Variants in CNTNAP3 observed in about 807,000 individuals in gnomAD.
CNTNAP3 encodes contactin-associated protein-like 3.
CNTNAP3 carries 36 observed loss-of-function variants against 92.1 expected under a neutral mutation model. The observed-to-expected ratio is 0.39, with a 90% CI of 0.30 to 0.52. The LOEUF (loss-of-function observed/expected upper bound fraction) is 0.52, where lower values mean the gene tolerates loss of function less well. Ranked by LOEUF, CNTNAP3 falls within the 20% of genes least tolerant of loss-of-function variation. The pLI is 0.76. For missense variants in CNTNAP3, 534 were observed against 1,069.6 expected (o/e 0.50, Z 6.98); for synonymous variants, 232 against 422.3 (o/e 0.55, Z 5.53).
rs1465730596 is a variant in CNTNAP3 at position 39,069,061 on chromosome 9, C to T, written c.*4829G>A. On this transcript the variant is annotated 3_prime_UTR_variant, in exon 24 of 24. Coordinates refer to ENST00000297668, the MANE Select transcript of CNTNAP3 (RefSeq NM_033655.5). Reference sequence around the variant, plus strand: ...GTATATAACACACATGAATCATATCCTAAAGATTTGGAACAAGAAGTAAAT... The same window carrying T: ...GTATATAACACACATGAATCATATCTTAAAGATTTGGAACAAGAAGTAAAT... Among the ~76,000 whole-genome samples, 3 of 152,350 alleles carry T rather than the reference C, an allele frequency of 2.0e-5. No individual in the cohort carries two copies. The East Asian group carries it at 5.8e-4, about 29-fold the overall frequency.
At chr9:39,133,734 T>C (rs941643500) in intron 12 of CNTNAP3, among the ~76,000 whole-genome samples, 9 of 151,886 alleles carry the variant, frequency 5.9e-5, no homozygotes, top group Non-Finnish European at 8.8e-5. Flanking sequence ...TCATTTCTGA[T>C]GTATCTCTGT....
chr9:39,074,294 G>T (rs1825698256), intron 23 of CNTNAP3, among the ~76,000 whole-genome samples: 1 of 151,766 alleles, frequency 6.6e-6, no homozygotes. Context: ...CTCCCAAATT[G>T]TTGGGATTAC....
At chr9:39,079,167 G>C (rs551634381) in intron 21 of CNTNAP3, among the ~76,000 whole-genome samples, 37 of 152,260 alleles carry the variant, frequency 2.4e-4, no homozygotes, top group Non-Finnish European at 3.5e-4. Context: ...CTGGCTCTCT[G>C]CAAGTAACAG....
chr9:39,132,356 T>C (rs981538958), intron 13 of CNTNAP3, among the ~76,000 whole-genome samples: 11 of 152,090 alleles, frequency 7.2e-5, no homozygotes, highest in Admixed American at 7.2e-4. Context: ...AAAACATTAC[T>C]TCCATATATG....
At chr9:39,096,929 G>A (rs4062915) in intron 18 of CNTNAP3, among the ~76,000 whole-genome samples, 29,324 of 142,652 alleles carry the variant, frequency 0.21, 3,296 homozygotes, top group East Asian at 0.34. Flanking sequence ...TAATTTGGGG[G>A]TGTTTTCAAC....
chr9:39,217,358 G>GTGTATA (rs1554653649), intron 3 of CNTNAP3, among the ~76,000 whole-genome samples: 1 of 4,242 alleles, frequency 2.4e-4, no homozygotes, highest in Non-Finnish European at 1.1e-3. Context: ...ATTTACATGA[G>GTGTATA]TATATATATA....
intron 18 of CNTNAP3, among the ~76,000 whole-genome samples, chr9:39,094,625 A>C (rs1181044514): frequency 2.0e-5 from 3 of 151,586 alleles, no homozygotes; most frequent in Non-Finnish European, 3.0e-5. Flanking sequence ...AATGATCTTG[A>C]CAAAGACTAT....
Position 39,105,079 on chromosome 9 carries a change from C to T in CNTNAP3, c.2366-1165G>A, listed in dbSNP as rs1181964899. ...TATTCTGATGGCTGCCAGTGGTGAT[C>T]TTCTAAGCTCTGTCATTCCTTCCAC... On this transcript the variant is annotated intron_variant, in intron 15 of 23. Transcript: ENST00000297668. 4.6e-5 allele frequency among the ~76,000 whole-genome samples: 7 copies of T among 152,262 alleles called. No individual in the cohort carries two copies. In the East Asian group the frequency reaches 5.8e-4, roughly 13 times the overall value.
chr9:39,181,455 C>A (rs1822445452), intron 4 of CNTNAP3, among the ~76,000 whole-genome samples: 2 of 110,934 alleles, frequency 1.8e-5, no homozygotes, highest in Non-Finnish European at 1.6e-5. Flanking sequence ...GCCTTGCTAT[C>A]CAAAATGAAT....
chr9:39,154,306 T>TG, intron 9 of CNTNAP3: 1 of 432,410 alleles, frequency 2.3e-6, no homozygotes, highest in Non-Finnish European at 4.5e-6. Flanking sequence ...GCAGCTGGGC[T>TG]GAAGGATCCT....
rs1825660954 is a variant in CNTNAP3 at position 39,072,959 on chromosome 9, T to C, written c.*931A>G. 6.5e-6 allele frequency: 1 copy of C among 152,740 alleles called. No homozygotes were observed. Among genetic ancestry groups the C allele is most frequent in the Non-Finnish European group, 1.5e-5 (1 of 68,058 alleles). 9.5% of individuals were successfully genotyped at this position (152,740 alleles called of 1,614,324 possible). A position where few individuals can be genotyped will look rare whatever the true frequency, so the allele number is the denominator to read the frequency against. ...TTCATTCACGTCTTAATGATATAAA[T>C]AAAGGATAACTCTGTGTAAGAAGTA... On this transcript the variant is annotated 3_prime_UTR_variant, in exon 24 of 24. Transcript: ENST00000297668.
At chr9:39,150,218 G>A (rs1435602625) in intron 9 of CNTNAP3, among the ~76,000 whole-genome samples, 11 of 150,964 alleles carry the variant, frequency 7.3e-5, no homozygotes, top group Non-Finnish European at 1.5e-4. Flanking sequence ...TCCTATAACA[G>A]GAATTATTTC....
At chr9:39,078,990 C>A in intron 21 of CNTNAP3, 70 bp from the exon 22 acceptor site, 1 of 1,464,126 alleles carries the variant, frequency 6.8e-7, no homozygotes, top group Non-Finnish European at 9.2e-7. Flanking sequence ...CACCCCGCAT[C>A]TGCAAGACAG....
At chr9:39,183,987 G>A (rs1051236724) in intron 4 of CNTNAP3, among the ~76,000 whole-genome samples, 3 of 149,380 alleles carry the variant, frequency 2.0e-5, no homozygotes, top group Non-Finnish European at 4.5e-5. Flanking sequence ...GATTAGTTTT[G>A]TCAGTTCCAA....
intron 10 of CNTNAP3, among the ~76,000 whole-genome samples, chr9:39,144,960 T>G (rs1821664666): frequency 6.7e-6 from 1 of 150,354 alleles, no homozygotes; most frequent in African/African-American, 2.4e-5. Context: ...CCCAATGCCT[T>G]TTTTTGCAGA....
rs1249926578 is a variant in CNTNAP3 at position 39,068,539 on chromosome 9, C to T, written c.*5351G>A. Among the ~76,000 whole-genome samples the T allele has an allele frequency of 1.3e-5, 2 of 152,308 alleles. No individual in the cohort carries two copies. Among genetic ancestry groups the T allele is most frequent in the Non-Finnish European group, 2.9e-5 (2 of 68,058 alleles). ...TAATTTTTTAAAGGTTGATAAATGC[C>T]GCTGTAATTCTTTTGAGTGTTTCTT... On this transcript the variant is annotated 3_prime_UTR_variant, in exon 24 of 24. Coordinates refer to ENST00000297668, the MANE Select transcript of CNTNAP3 (RefSeq NM_033655.5).
intron 23 of CNTNAP3, among the ~76,000 whole-genome samples, chr9:39,075,547 C>G (rs978580187): frequency 3.9e-4 from 60 of 152,240 alleles, no homozygotes; most frequent in Non-Finnish European, 7.9e-4. Context: ...GGAGGAAGAG[C>G]TCTCTAGATC....
chr9:39,127,150 T>A (rs1353391213), intron 13 of CNTNAP3, among the ~76,000 whole-genome samples: 1 of 151,902 alleles, frequency 6.6e-6, no homozygotes, highest in Non-Finnish European at 1.5e-5. Context: ...AAAAATACAC[T>A]TCTAAATAAG....
rs189304977 is a variant in CNTNAP3 at position 39,184,077 on chromosome 9, A to G, written c.539-5717T>C. ...AGTGTAACGTTTTTGAAATACACGC[A>G]TGCTGTTGCATATATCAACAGTCTG... On this transcript the variant is annotated intron_variant, in intron 4 of 23. Transcript: ENST00000297668. 2.2e-3 allele frequency among the ~76,000 whole-genome samples: 313 copies of G among 145,322 alleles called. 53 individuals are homozygous for G. The highest frequency in any genetic ancestry group is 8.3e-3 in the African/African-American group (302 of 36,194).
Sources: allele counts gnomAD v4.1 joint callset (sites outside exome capture counted in the v4.1 genomes callset), GRCh38; gene constraint gnomAD v4.1.1; transcripts MANE v1.5; gene names NCBI Gene and HGNC (gene_info 2026-07-23, HGNC 2026-07-21).